The following RTN4RL1 variants were observed in gnomAD, a reference collection of about 807,000 sequenced individuals.
The protein encoded by RTN4RL1 is reticulon 4 receptor like 1, also known as reticulon-4 receptor-like 1.
A neutral mutation model predicts 25.6 loss-of-function variants in RTN4RL1; 7 were observed. The ratio of observed to expected loss-of-function variants is 0.27; its 90% CI spans 0.16 to 0.51. The LOEUF (loss-of-function observed/expected upper bound fraction) is 0.51, where lower values mean the gene tolerates loss of function less well. Ranked by LOEUF, RTN4RL1 falls within the 20% of genes least tolerant of loss-of-function variation. The pLI is 0.97. For synonymous variants in RTN4RL1, 297 were observed against 288.2 expected (o/e 1.03, Z -0.31); for missense variants, 500 against 615.6 (o/e 0.81, Z 1.99).
At chr17:1,997,330 T>C (rs1281484685) in intron 1 of RTN4RL1, among the ~76,000 whole-genome samples, 1 of 152,196 alleles carries the variant, frequency 6.6e-6, no homozygotes, top group Non-Finnish European at 1.5e-5. Context: ...CCCCAACCCA[T>C]CGTCCTCAGC....
intron 1 of RTN4RL1, among the ~76,000 whole-genome samples, chr17:2,000,738 T>G (rs923929410): frequency 7.2e-5 from 11 of 152,128 alleles, no homozygotes; most frequent in African/African-American, 2.7e-4. Flanking sequence ...CAGGCTGGTC[T>G]TGAACTCCTG....
intron 1 of RTN4RL1, among the ~76,000 whole-genome samples, chr17:1,947,126 GTGTC>G (rs1359044983): frequency 2.0e-5 from 3 of 148,642 alleles, no homozygotes; most frequent in African/African-American, 5.0e-5. Flanking sequence ...GGGTCTGTGT[GTGTC>G]TATGTTGAAT....
At chr17:1,949,853 G>A (rs1361650173) in intron 1 of RTN4RL1, among the ~76,000 whole-genome samples, 2 of 152,356 alleles carry the variant, frequency 1.3e-5, no homozygotes, top group Non-Finnish European at 2.9e-5. Context: ...TGCTCTTGGA[G>A]GGCCTCCCTC....
chr17:2,021,300 C>T (rs1024565513), intron 1 of RTN4RL1, among the ~76,000 whole-genome samples: 1 of 152,176 alleles, frequency 6.6e-6, no homozygotes, highest in African/African-American at 2.4e-5. Context: ...GGGCTTCATA[C>T]CACTGCACCC....
At chr17:1,951,478 G>A (rs8070287) in intron 1 of RTN4RL1, among the ~76,000 whole-genome samples, 27,555 of 151,148 alleles carry the variant, frequency 0.18, 2,603 homozygotes, top group Admixed American at 0.19. Flanking sequence ...TTGGGACAGA[G>A]TCTCGCTCTG....
intron 1 of RTN4RL1, among the ~76,000 whole-genome samples, chr17:1,992,358 C>CAAAAAAAAA (rs1021180493): frequency 3.8e-5 from 2 of 53,304 alleles, no homozygotes; most frequent in South Asian, 6.3e-4. Flanking sequence ...GACTCTGTCT[C>CAAAAAAAAA]AAAAAAAAAA....
Position 1,998,113 on chromosome 17 carries a change from G to A in RTN4RL1, c.13+26740C>T, listed in dbSNP as rs1053738829. Among the ~76,000 whole-genome samples the A allele has an allele frequency of 2.0e-5, 3 of 152,184 alleles. No individual in the cohort carries two copies. Among genetic ancestry groups the A allele is most frequent in the African/African-American group, 7.2e-5 (3 of 41,458 alleles). ...TTACCGAGGGAGAGCTGCCGGGGCT[G>A]GCAGGGGAGCCAGACGGCGGCGGAG... is the stretch of plus-strand genomic sequence containing the variant. On this transcript the variant is annotated intron_variant, in intron 1 of 1. Coordinates refer to ENST00000331238, the MANE Select transcript of RTN4RL1 (RefSeq NM_178568.4). The surrounding 1 kb of genome is among the most constrained non-coding windows in gnomAD (Gnocchi z 4.9).
intron 1 of RTN4RL1, among the ~76,000 whole-genome samples, chr17:1,966,120 T>G (rs1297718062): frequency 6.6e-6 from 1 of 152,136 alleles, no homozygotes; most frequent in African/African-American, 2.4e-5. Context: ...GGCTCATTAT[T>G]CCGGTATTCC....
chr17:1,996,290 G>A (rs1388948420), intron 1 of RTN4RL1, among the ~76,000 whole-genome samples: 2 of 152,172 alleles, frequency 1.3e-5, no homozygotes, highest in African/African-American at 4.8e-5. Context: ...CACTGCCAGT[G>A]TCTGAAATAG....
At chr17:1,941,855 G>A (rs1428009566) in intron 1 of RTN4RL1, among the ~76,000 whole-genome samples, 5 of 152,132 alleles carry the variant, frequency 3.3e-5, no homozygotes, top group African/African-American at 1.2e-4. Context: ...AGTCTTGGAC[G>A]GTCCCCCTGC....
chr17:2,009,230 C>A (rs1254430315), intron 1 of RTN4RL1, among the ~76,000 whole-genome samples: 3 of 151,982 alleles, frequency 2.0e-5, no homozygotes, highest in Non-Finnish European at 4.4e-5. Context: ...GAGGCCGAGG[C>A]AGGTGGATCA....
At chr17:2,009,740 C>T (rs1313959762) in intron 1 of RTN4RL1, among the ~76,000 whole-genome samples, 1 of 127,984 alleles carries the variant, frequency 7.8e-6, no homozygotes, top group Non-Finnish European at 1.6e-5. Context: ...CTCCTCCTGC[C>T]CGCTGCCATA....
At chr17:1,985,969 T>G (rs2066885638) in intron 1 of RTN4RL1, among the ~76,000 whole-genome samples, 1 of 152,032 alleles carries the variant, frequency 6.6e-6, no homozygotes, top group African/African-American at 2.4e-5. Flanking sequence ...AACCCCAGCC[T>G]TCAGGGACAG....
Position 2,009,819 on chromosome 17 carries a change from TA to T in RTN4RL1, c.13+15033del, listed in dbSNP as rs763027584. ...ACTTGGGACTGACCGCAAGTTCTGG[TA>T]CTCTCCAAAGGAATCTCAAACCACT... On this transcript the variant is annotated intron_variant, in intron 1 of 1. Coordinates refer to ENST00000331238, the MANE Select transcript of RTN4RL1 (RefSeq NM_178568.4). Among the ~76,000 whole-genome samples the T allele has an allele frequency of 4.7e-4, 60 of 127,700 alleles. 12 individuals carry two copies. The highest frequency in any genetic ancestry group is 6.9e-4 in the Non-Finnish European group (42 of 60,814). 83.8% of individuals were successfully genotyped at this position (127,700 alleles called of 152,430 possible). A position where few individuals can be genotyped will look rare whatever the true frequency, so the allele number is the denominator to read the frequency against.
intron 1 of RTN4RL1, among the ~76,000 whole-genome samples, chr17:1,942,666 G>A (rs1048898452): frequency 6.6e-6 from 1 of 152,112 alleles, no homozygotes; most frequent in African/African-American, 2.4e-5. Context: ...TTGTGTTCAG[G>A]TCCTCCTTTC....
At chr17:1,952,122 T>C (rs1915694437) in intron 1 of RTN4RL1, among the ~76,000 whole-genome samples, 1 of 152,074 alleles carries the variant, frequency 6.6e-6, no homozygotes, top group Non-Finnish European at 1.5e-5. Context: ...TGCCCTTTTG[T>C]TTCAAACGAC....
chr17:2,017,476 A>C (rs191487360), intron 1 of RTN4RL1, among the ~76,000 whole-genome samples: 1 of 152,298 alleles, frequency 6.6e-6, no homozygotes, highest in African/African-American at 2.4e-5. Context: ...TGGCACACAC[A>C]GCGCTGGCCT....
chr17:1,947,107 G>A (rs1403028968), intron 1 of RTN4RL1, among the ~76,000 whole-genome samples: 2 of 150,354 alleles, frequency 1.3e-5, no homozygotes, highest in East Asian at 3.9e-4. Flanking sequence ...CAATGTGTGT[G>A]TGCGCACGGG....
At chr17:1,968,050 A>G (rs865909692) in intron 1 of RTN4RL1, among the ~76,000 whole-genome samples, 1 of 151,962 alleles carries the variant, frequency 6.6e-6, no homozygotes, top group Non-Finnish European at 1.5e-5. Flanking sequence ...ACTTTCCTGG[A>G]CGTTCCTTCT....
Sources: gnomAD v4.1 joint callset for allele counts (sites outside exome capture counted in the v4.1 genomes callset) on GRCh38, gnomAD v4.1.1 for gene constraint, Gnocchi (gnomAD v3.1) non-coding constraint, MANE v1.5 for transcripts, NCBI Gene and HGNC (gene_info 2026-07-23, HGNC 2026-07-21) for gene names.